The following PIGU variants were observed in gnomAD, a reference collection of about 807,000 sequenced individuals.
The protein encoded by PIGU is phosphatidylinositol glycan anchor biosynthesis class U.
In PIGU, 24 loss-of-function variants were observed where a neutral mutation model predicts 49.9. The observed-to-expected ratio is 0.48, with a 90% CI of 0.35 to 0.68. The LOEUF is 0.68. PIGU is among the 30% of genes least tolerant of loss of function. The pLI, the probability that PIGU is intolerant of heterozygous loss-of-function variation, is 0.01. For missense variants in PIGU, 490 were observed against 532.6 expected (o/e 0.92, Z 0.79); for synonymous variants, 220 against 205.7 (o/e 1.07, Z -0.59).
At chr20:34,668,866 ACTT>A (rs1987207899) in intron 1 of PIGU, among the ~76,000 whole-genome samples, 3 of 124,130 alleles carry the variant, frequency 2.4e-5, no homozygotes, top group Non-Finnish European at 3.3e-5. Flanking sequence ...AAATGGTAAA[ACTT>A]TTTTTTTTTT....
rs541912146 is a variant in PIGU at position 34,677,036 on chromosome 20, G to T, written c.50C>A (p.Ala17Glu). 3.2e-6 allele frequency: 5 copies of T among 1,578,886 alleles called. No homozygotes were observed. The highest frequency in any genetic ancestry group is 4.3e-6 in the Non-Finnish European group (5 of 1,162,850). The change falls in exon 1 of 12, where the codon GCG becomes GAG. Residue 17 changes from alanine (A) to glutamate (E), a missense_variant. By Grantham distance (107) the Ala-to-Glu change is moderately radical (BLOSUM62 -1). Coordinates refer to ENST00000217446, the MANE Select transcript of PIGU (RefSeq NM_080476.5). ...GGCCAGACTGGAGCGGAACAAGGCC[G>T]CCCGCACTGTCACAGCCACCACCAG... ...LVLVVAVTVR[A>E]ALFRSSLAEF... is the part of the protein sequence containing the mutation.
At chr20:34,673,925 T>A (rs997871348) in intron 1 of PIGU, among the ~76,000 whole-genome samples, 3 of 152,004 alleles carry the variant, frequency 2.0e-5, no homozygotes, top group African/African-American at 7.2e-5. Flanking sequence ...TGGTGGCATG[T>A]GCCTGTAGTC....
intron 6 of PIGU, among the ~76,000 whole-genome samples, chr20:34,620,519 G>C (rs1351425511): frequency 2.6e-5 from 4 of 152,166 alleles, no homozygotes; most frequent in Non-Finnish European, 2.9e-5. Context: ...ATCAAGAACA[G>C]TTCCTGACTT....
chr20:34,666,430 C>T (rs1457210461), intron 1 of PIGU, among the ~76,000 whole-genome samples: 1 of 151,122 alleles, frequency 6.6e-6, no homozygotes, highest in East Asian at 1.9e-4. Flanking sequence ...ATAATTATGG[C>T]CAACTATTGT....
rs925619851 is a variant in PIGU at position 34,638,104 on chromosome 20, A to G, written c.319-119T>C. On this transcript the variant is annotated intron_variant, in intron 4 of 11. Coordinates refer to ENST00000217446, the MANE Select transcript of PIGU (RefSeq NM_080476.5). ...ACATGGCCCTGCCTGGTCTGGCCCT[A>G]CCTCTCCAGGCTCATCTCACACTCG... 10 of 1,404,494 alleles carry G rather than the reference A, an allele frequency of 7.1e-6. No homozygotes were observed. The African/African-American group carries it at 1.5e-4, about 21-fold the overall frequency. 87.0% of individuals were successfully genotyped at this position (1,404,494 alleles called of 1,614,324 possible). A position where few individuals can be genotyped will look rare whatever the true frequency, so the allele number is the denominator to read the frequency against.
chr20:34,665,459 T>A lies in PIGU; in HGVS notation c.131-8215A>T, dbSNP rs1031736789. 3.3e-5 allele frequency among the ~76,000 whole-genome samples: 5 copies of A among 151,580 alleles called. No individual in the cohort carries two copies. In the East Asian group the frequency reaches 9.7e-4, roughly 30 times the overall value. On this transcript the variant is annotated intron_variant, in intron 1 of 11. Coordinates refer to ENST00000217446, the MANE Select transcript of PIGU (RefSeq NM_080476.5). ...ACCTCGTGATCCGCCCGCCTCGGCC[T>A]CCCAAAGTGCTGGGATTACAGGCGT...
Position 34,570,345 on chromosome 20 carries a change from A to T in PIGU, c.1194+4759T>A, listed in dbSNP as rs545817542. ...GTTCGGAAGGCCATCTGAGCACGTG[A>T]TCAGAAGATTATAGGGATCACGTGG... is the stretch of plus-strand genomic sequence containing the variant. On this transcript the variant is annotated intron_variant, in intron 11 of 11. Transcript: ENST00000217446. 9.8e-5 allele frequency among the ~76,000 whole-genome samples: 15 copies of T among 152,348 alleles called. No individual in the cohort carries two copies. In the South Asian group the frequency reaches 2.9e-3, roughly 29 times the overall value.
At chr20:34,579,316 T>A (rs1200788271) in intron 10 of PIGU, 1 of 152,170 alleles carries the variant, frequency 6.6e-6, no homozygotes, top group Non-Finnish European at 1.5e-5. Context: ...TGCGTCTGTA[T>A]GACTCATCCA....
chr20:34,646,694 C>A (rs1986356968), intron 2 of PIGU, among the ~76,000 whole-genome samples: 1 of 152,330 alleles, frequency 6.6e-6, no homozygotes, highest in African/African-American at 2.4e-5. Context: ...CAGGCAGGAG[C>A]CACTGTGCCC....
chr20:34,635,275 T>C (rs550553871), intron 5 of PIGU, among the ~76,000 whole-genome samples: 1 of 152,326 alleles, frequency 6.6e-6, no homozygotes, highest in African/African-American at 2.4e-5. Context: ...GTCATGCCAA[T>C]CCAAGAGTTA....
intron 4 of PIGU, among the ~76,000 whole-genome samples, chr20:34,638,362 CAGTT>C (rs1223753727): frequency 1.3e-5 from 2 of 152,204 alleles, no homozygotes; most frequent in Non-Finnish European, 2.9e-5. Context: ...CATATGTTCA[CAGTT>C]AGTAACTTTT....
chr20:34,627,760 A>T (rs1460850361), intron 6 of PIGU, among the ~76,000 whole-genome samples: 1 of 152,144 alleles, frequency 6.6e-6, no homozygotes, highest in Non-Finnish European at 1.5e-5. Flanking sequence ...TTTAATGGAC[A>T]CCAGACACCT....
chr20:34,583,803 C>T (rs1224459986), intron 9 of PIGU, among the ~76,000 whole-genome samples: 1 of 152,202 alleles, frequency 6.6e-6, no homozygotes, highest in Non-Finnish European at 1.5e-5. Context: ...GAAGCCAGGC[C>T]AAGGCTGTGT....
chr20:34,627,445 T>C (rs1300693134), intron 6 of PIGU, among the ~76,000 whole-genome samples: 2 of 151,986 alleles, frequency 1.3e-5, no homozygotes, highest in Admixed American at 6.6e-5. Flanking sequence ...TGGAGTGATA[T>C]AAAATTTTTT....
chr20:34,607,512 C>T lies in PIGU; in HGVS notation c.627+8530G>A, dbSNP rs115122251. Among the ~76,000 whole-genome samples the T allele has an allele frequency of 8.1e-3, 1,236 of 152,282 alleles. 20 individuals carry two copies. The highest frequency in any genetic ancestry group is 0.029 in the African/African-American group (1,186 of 41,538). ...TGAGGGGAAGACCACCTTCCTGCTC[C>T]ATCCCCTTTCCAGCTCTCCATCCCA... is the stretch of plus-strand genomic sequence containing the variant. On this transcript the variant is annotated intron_variant, in intron 7 of 11. Coordinates refer to ENST00000217446, the MANE Select transcript of PIGU (RefSeq NM_080476.5).
chr20:34,635,991 G>C (rs1221135310), intron 5 of PIGU, among the ~76,000 whole-genome samples: 1 of 150,494 alleles, frequency 6.6e-6, no homozygotes, highest in African/African-American at 2.4e-5. Flanking sequence ...TCGAGTTCGA[G>C]ACCAGCCTAG....
chr20:34,645,469 T>C lies in PIGU; in HGVS notation c.196-135A>G, dbSNP rs1351905088. Reference sequence around the variant, plus strand: ...AGTATTCTCCTTCCTGGAATACTGTTCTACGCCAGCTGGCCGGTGTGCTTA... The same window carrying C: ...AGTATTCTCCTTCCTGGAATACTGTCCTACGCCAGCTGGCCGGTGTGCTTA... On this transcript the variant is annotated intron_variant, in intron 2 of 11. Coordinates refer to ENST00000217446, the MANE Select transcript of PIGU (RefSeq NM_080476.5). 5.7e-6 allele frequency: 7 copies of C among 1,225,814 alleles called. No homozygotes were observed. In the East Asian group the frequency reaches 2.1e-4, roughly 37 times the overall value. The allele number at this position is 1,225,814 out of a possible 1,614,324, so 75.9% of individuals were successfully genotyped here. A position where few individuals can be genotyped will look rare whatever the true frequency, so the allele number is the denominator to read the frequency against.
intron 11 of PIGU, among the ~76,000 whole-genome samples, chr20:34,567,594 G>GAA (rs1982826345): frequency 2.5e-5 from 1 of 40,690 alleles, no homozygotes; most frequent in Non-Finnish European, 5.2e-5. Context: ...GCTCTTCCCA[G>GAA]CAGTGAGGTT....
At position 34,560,582 on chromosome 20, in the gene PIGU, C is replaced by G. The variant is rs1982435683; in HGVS notation, c.*284G>C. 2.5e-6 allele frequency: 1 copy of G among 401,746 alleles called. No homozygotes were observed. Among genetic ancestry groups the G allele is most frequent in the Admixed American group, 4.3e-5 (1 of 23,322 alleles). 24.9% of individuals were successfully genotyped at this position (401,746 alleles called of 1,614,324 possible). ...AAAACATTTATTAAGTAGCCACAATCTAACAAGCCCTGCTCACCTGCCTCT... is the reference window on the plus strand; with the variant it reads ...AAAACATTTATTAAGTAGCCACAATGTAACAAGCCCTGCTCACCTGCCTCT... On this transcript the variant is annotated 3_prime_UTR_variant, in exon 12 of 12. Coordinates refer to ENST00000217446, the MANE Select transcript of PIGU (RefSeq NM_080476.5).
Sources: allele counts gnomAD v4.1 joint callset (sites outside exome capture counted in the v4.1 genomes callset), GRCh38; gene constraint gnomAD v4.1.1; transcripts MANE v1.5; gene names NCBI Gene and HGNC (gene_info 2026-07-23, HGNC 2026-07-21).